NME8: variants seen among roughly 807,000 people sequenced by gnomAD.
The protein encoded by NME8 is protein NME8.
Under a neutral mutation model 82.3 loss-of-function variants are expected in NME8, and 72 were observed. The observed-to-expected ratio is 0.87, with a 90% CI of 0.72 to 1.06. The LOEUF (loss-of-function observed/expected upper bound fraction) is 1.06, where lower values mean the gene tolerates loss of function less well. Ranked by LOEUF, NME8 falls within the 50% of genes least tolerant of loss-of-function variation. The pLI is 0.00. For missense variants in NME8, 712 were observed against 685.4 expected (o/e 1.04, Z -0.43); for synonymous variants, 267 against 228.5 (o/e 1.17, Z -1.52).
chr7:37,851,308 C>T (rs1289655097), intron 5 of NME8, among the ~76,000 whole-genome samples: 4 of 152,170 alleles, frequency 2.6e-5, no homozygotes, highest in Non-Finnish European at 5.9e-5. Context: ...TGCAATGTAG[C>T]TGGTCCAACT....
intron 17 of NME8, among the ~76,000 whole-genome samples, chr7:37,897,783 G>C (rs1785253452): frequency 6.6e-6 from 1 of 151,922 alleles, no homozygotes; most frequent in Non-Finnish European, 1.5e-5. Context: ...TTCTGTTCTG[G>C]TGTTAGTTTG....
chr7:37,860,842 G>T (rs985522992), intron 6 of NME8, among the ~76,000 whole-genome samples: 4 of 152,088 alleles, frequency 2.6e-5, no homozygotes, highest in African/African-American at 9.7e-5. Context: ...CTCTGAATTT[G>T]GCATATAATA....
chr7:37,878,439 G>A (rs1008356009), intron 12 of NME8, among the ~76,000 whole-genome samples: 1 of 152,032 alleles, frequency 6.6e-6, no homozygotes, highest in Non-Finnish European at 1.5e-5. Context: ...TCTGGTTTTG[G>A]TGTCAGAGTA....
At chr7:37,898,324 A>G (rs1438070176) in intron 17 of NME8, among the ~76,000 whole-genome samples, 1 of 152,212 alleles carries the variant, frequency 6.6e-6, no homozygotes, top group Non-Finnish European at 1.5e-5. Context: ...GTTTCTTAAA[A>G]GGTTAAACAT....
intron 8 of NME8, among the ~76,000 whole-genome samples, chr7:37,863,955 G>A (rs552750385): frequency 7.2e-5 from 11 of 152,224 alleles, no homozygotes; most frequent in East Asian, 1.9e-4. Flanking sequence ...TAAGAATGTC[G>A]ATACATTCAC....
At chr7:37,867,178 C>T (rs1292479243) in intron 10 of NME8, among the ~76,000 whole-genome samples, 2 of 152,046 alleles carry the variant, frequency 1.3e-5, no homozygotes, top group Non-Finnish European at 2.9e-5. Context: ...TGAAGATAAG[C>T]TATCAATTAT....
In NME8 at chr7:37,864,479, G is replaced by A. The variant is rs771044048; in HGVS notation, c.528+58G>A. 485 of 1,445,994 alleles carry A rather than the reference G, an allele frequency of 3.4e-4. 1 individual carries two copies. Among genetic ancestry groups the A allele is most frequent in the Non-Finnish European group, 4.1e-4 (432 of 1,055,712 alleles). The allele number at this position is 1,445,994 out of a possible 1,614,324, so 89.6% of individuals were successfully genotyped here. A position where few individuals can be genotyped will look rare whatever the true frequency, so the allele number is the denominator to read the frequency against. Reference sequence around the variant, plus strand: ...ATTGCAAAATAACAACCTCTTAATCGTCAGTTCAAAGACAAGCGTACCATT... The same window carrying A: ...ATTGCAAAATAACAACCTCTTAATCATCAGTTCAAAGACAAGCGTACCATT... On this transcript the variant is annotated intron_variant, in intron 9 of 17. Transcript: ENST00000199447.
chr7:37,867,584 A>G, intron 10 of NME8, 118 bp from the exon 11 acceptor site: 1 of 753,914 alleles, frequency 1.3e-6, no homozygotes, highest in East Asian at 2.6e-5. Context: ...TAAGAGTAAC[A>G]TTCCTTTGCC....
At chr7:37,884,837 T>C (rs1160785249) in intron 13 of NME8, among the ~76,000 whole-genome samples, 1 of 152,338 alleles carries the variant, frequency 6.6e-6, no homozygotes, top group South Asian at 2.1e-4. Context: ...TCTAGAAGAA[T>C]GACTGAAATA....
intron 12 of NME8, among the ~76,000 whole-genome samples, chr7:37,878,409 CTTTTCTTGTAATGTTTTTA>C (rs1490999646): frequency 1.3e-5 from 2 of 152,016 alleles, no homozygotes; most frequent in East Asian, 3.9e-4. Context: ...GTGTTGATTT[CTTTTCTTGTAATGTTTTTA>C]TCTGGTTTTG....
intron 5 of NME8, among the ~76,000 whole-genome samples, chr7:37,855,426 G>C (rs986499582): frequency 1.3e-5 from 2 of 152,048 alleles, no homozygotes; most frequent in African/African-American, 4.8e-5. Context: ...TGCATAAAAT[G>C]GTTGAGTTAG....
chr7:37,854,740 A>T (rs914867346), intron 5 of NME8, among the ~76,000 whole-genome samples: 10 of 152,074 alleles, frequency 6.6e-5, no homozygotes, highest in African/African-American at 2.4e-4. Flanking sequence ...TCTTCTGTTA[A>T]TTCCTCTGGT....
chr7:37,858,601 C>T (rs2131944236), intron 6 of NME8, among the ~76,000 whole-genome samples: 1 of 152,068 alleles, frequency 6.6e-6, no homozygotes, highest in South Asian at 2.1e-4. Context: ...ATGAGGGGAC[C>T]AGAATGAATA....
chr7:37,866,106 C>A (rs1485721120), intron 10 of NME8, among the ~76,000 whole-genome samples: 1 of 151,930 alleles, frequency 6.6e-6, no homozygotes, highest in African/African-American at 2.4e-5. Context: ...AAAGGCAGTG[C>A]TGTGTATTAG....
chr7:37,864,459 A>G (rs1474783456), intron 9 of NME8, 38 bp downstream of exon 9: 1 of 1,463,832 alleles, frequency 6.8e-7, no homozygotes, highest in Non-Finnish European at 9.3e-7. Context: ...AATTAATTGC[A>G]AAATAACAAC....
chr7:37,850,668 C>G lies in NME8; in HGVS notation c.131C>G (p.Ala44Gly). Residue 44 changes from alanine to glycine, a missense_variant, in exon 5 of 18, where the codon GCA becomes GGA. By Grantham distance (60) the Ala-to-Gly change is moderately conservative. Transcript: ENST00000199447. ...VYQAWCGPCR[A>G]MQPLFRKLKN... ...CAAGCCTGGTGTGGACCTTGCAGAGCAATGCAACCTTTATTCAGAAAATTG... is the reference window on the plus strand; with the variant it reads ...CAAGCCTGGTGTGGACCTTGCAGAGGAATGCAACCTTTATTCAGAAAATTG... 6.2e-7 allele frequency: 1 copy of G among 1,613,196 alleles called. No individual in the cohort carries two copies. The highest frequency in any genetic ancestry group is 8.5e-7 in the Non-Finnish European group (1 of 1,179,172).
rs149484809 is a variant in NME8, at chr7:37,856,128, T to C, written c.199-1146T>C. On this transcript the variant is annotated intron_variant, in intron 5 of 17. Coordinates refer to ENST00000199447, the MANE Select transcript of NME8 (RefSeq NM_016616.5). ...GCACTTTATCTGGATCTCAAGGTGT[T>C]AGTCAAGGTTTATGGTATTGCACTG... 6.4e-4 allele frequency among the ~76,000 whole-genome samples: 97 copies of C among 152,290 alleles called. No individual in the cohort carries two copies. The East Asian group carries it at 0.015, about 24-fold the overall frequency.
chr7:37,874,213 A>G (rs1214602477), intron 11 of NME8, among the ~76,000 whole-genome samples: 5 of 152,220 alleles, frequency 3.3e-5, no homozygotes, highest in African/African-American at 1.2e-4. Context: ...CTCTGAACAC[A>G]CACACAGACA....
At chr7:37,870,018 C>T (rs542156172) in intron 11 of NME8, among the ~76,000 whole-genome samples, 9 of 152,170 alleles carry the variant, frequency 5.9e-5, no homozygotes, top group South Asian at 2.1e-4. Flanking sequence ...CACATCTGAA[C>T]GGAGATAGTG....
Sources: allele counts gnomAD v4.1 joint callset (sites outside exome capture counted in the v4.1 genomes callset), GRCh38; gene constraint gnomAD v4.1.1; transcripts MANE v1.5; gene names NCBI Gene and HGNC (gene_info 2026-07-23, HGNC 2026-07-21).